RPAP1: variants seen among roughly 807,000 people sequenced by gnomAD.
The protein encoded by RPAP1 is RNA polymerase II associated protein 1.
In RPAP1, 109 loss-of-function variants were observed where a neutral mutation model predicts 142.4. That is an observed-to-expected ratio of 0.77 (90% confidence interval 0.66 to 0.90). The LOEUF is 0.90. Among genes scored for constraint, RPAP1 ranks in the 40% least tolerant of loss-of-function variants. The probability of loss-of-function intolerance (pLI) is 0.00; values close to 1 mark genes in which losing one functional copy is unlikely to be tolerated. For synonymous variants in RPAP1, 704 were observed against 738.9 expected (o/e 0.95, Z 0.77); for missense variants, 1,546 against 1,751.7 (o/e 0.88, Z 2.10).
chr15:41,522,855 C>A lies in RPAP1; in HGVS notation c.2652G>T (p.Leu884=). Residue 884 remains leucine, a synonymous_variant, in exon 19 of 25, where the codon CTG becomes CTT. Transcript: ENST00000304330. ...ATGGGAAGGGTGAGGCTGAGCCAGC[C>A]AGACTGAGACGGGGGCAGCCTCCCG... ...GCSGGCPRLS[L]AGSASPFPFL... is the part of the protein sequence containing the mutation. 6.3e-7 allele frequency: 1 copy of A among 1,582,056 alleles called. No individual in the cohort carries two copies. The highest frequency in any genetic ancestry group is 2.0e-5 in the Admixed American group (1 of 50,590).
Position 41,536,141 on chromosome 15 carries a change from C to A in RPAP1, c.408G>T (p.Ser136=). 6.2e-7 allele frequency: 1 copy of A among 1,613,892 alleles called. No individual in the cohort carries two copies. Residue 136 remains serine (S), a synonymous_variant, in exon 4 of 25, where the codon TCG becomes TCT. Coordinates refer to ENST00000304330, the MANE Select transcript of RPAP1 (RefSeq NM_015540.4). Reference sequence around the variant, plus strand: ...TACCCTTGCCTACCTGTGTGTCCCGCGAGCGAAGGAACACAGCAGGGAAAG... The same window carrying A: ...TACCCTTGCCTACCTGTGTGTCCCGAGAGCGAAGGAACACAGCAGGGAAAG... ...GVAFPAVFLR[S]RDTQGKSATS...
At chr15:41,530,351 G>C (rs558035072) in intron 7 of RPAP1, among the ~76,000 whole-genome samples, 3 of 152,144 alleles carry the variant, frequency 2.0e-5, no homozygotes, top group Non-Finnish European at 4.4e-5. Context: ...AAAGGAGTAG[G>C]AGAGTGGGGA....
At position 41,520,564 on chromosome 15, in the gene RPAP1, G is replaced by A. The variant is rs370844434; in HGVS notation, c.3622C>T (p.Pro1208Ser). The stretch of plus-strand genomic sequence containing the variant: ...TCCAGGAAGTTGGCATAGAGGTCAG[G>A]GAAAGACGTCAGGCCAGGGAGTCGG... ...DCRLPGLTSF[P>S]DLYANFLDHF... The change falls in exon 22 of 25, where the codon CCT (proline) becomes TCT (serine). Residue 1208 changes from proline to serine, a missense_variant. Transcript: ENST00000304330. 2.2e-5 allele frequency: 35 copies of A among 1,614,236 alleles called. No homozygotes were observed. The African/African-American group carries it at 3.7e-4, about 17-fold the overall frequency.
Position 41,531,285 on chromosome 15 carries a change from C to G in RPAP1, c.764-83G>C, listed in dbSNP as rs1455218687. 1.2e-5 allele frequency: 17 copies of G among 1,374,334 alleles called. No individual in the cohort carries two copies. The Admixed American group carries it at 3.3e-4, about 26-fold the overall frequency. The allele number at this position is 1,374,334 out of a possible 1,614,324, so 85.1% of individuals were successfully genotyped here. On this transcript the variant is annotated intron_variant, in intron 6 of 24. Transcript: ENST00000304330. ...AGACCTGGAACCCGCTGAATATCGC[C>G]TGTCTGTGGGTGCCAAGGACAGGAC...
At chr15:41,523,583 C>G (rs529024328) in intron 17 of RPAP1, among the ~76,000 whole-genome samples, 188 bp downstream of exon 17, 3 of 152,318 alleles carry the variant, frequency 2.0e-5, no homozygotes, top group Admixed American at 2.0e-4. Context: ...TGGTCCCCAC[C>G]AACATGGCTC....
Position 41,527,477 on chromosome 15 carries a change from G to T in RPAP1, c.1557C>A (p.Ser519Arg). 1 of 1,614,216 alleles carries T rather than the reference G, an allele frequency of 6.2e-7. No homozygotes were observed. Among genetic ancestry groups the T allele is most frequent in the Non-Finnish European group, 8.5e-7 (1 of 1,180,040 alleles). The change falls in exon 12 of 25, where the codon AGC becomes AGA. Residue 519 changes from serine (S) to arginine (R), a missense_variant. Physicochemically the swap from Ser to Arg is moderately radical, Grantham distance 110. Transcript: ENST00000304330. ...GTGGAGGCCGGCTTTCTTCTTCAGG[G>T]CTTTTCCTTTTTGCTTTTCCTGCTG... ...ECPAGKAKRKSPEEESRPPPD... is the reference protein window; with the variant it reads ...ECPAGKAKRKRPEEESRPPPD...
At chr15:41,519,898 T>G (rs2051705883) in intron 22 of RPAP1, 2 of 172,728 alleles carry the variant, frequency 1.2e-5, no homozygotes, top group African/African-American at 4.8e-5. Flanking sequence ...TTAATAGTAA[T>G]GAATACCCAC....
intron 1 of RPAP1, among the ~76,000 whole-genome samples, chr15:41,539,044 T>C (rs148710477): frequency 9.8e-5 from 15 of 152,310 alleles, no homozygotes; most frequent in African/African-American, 3.6e-4. Flanking sequence ...CTAATGGGTA[T>C]GGAGCGTCTT....
At chr15:41,522,670 G>T in intron 19 of RPAP1, 95 bp downstream of exon 19, 1 of 1,120,640 alleles carries the variant, frequency 8.9e-7, no homozygotes, top group Non-Finnish European at 1.2e-6. Flanking sequence ...GATTACAGGC[G>T]TGAGCCACCG....
Position 41,523,337 on chromosome 15 carries a change from C to T in RPAP1, c.2454G>A (p.Glu818=), listed in dbSNP as rs1224897494. 1.9e-6 allele frequency: 3 copies of T among 1,607,204 alleles called. No individual in the cohort carries two copies. ...AWSQQPSSCP[E]DWLQDMQRLS... is the part of the protein sequence containing the mutation. ...GGCGCTGCATGTCCTGGAGCCAATCCTCCGGGCATGAGCTTGGCTGGTGGA... is the reference window on the plus strand; with the variant it reads ...GGCGCTGCATGTCCTGGAGCCAATCTTCCGGGCATGAGCTTGGCTGGTGGA... The change falls in exon 18 of 25, where the codon GAG becomes GAA. Residue 818 remains glutamate (E), a synonymous_variant. Transcript: ENST00000304330.
chr15:41,522,363 C>T (rs541113918), intron 19 of RPAP1, 113 bp from the exon 20 acceptor site: 25 of 1,033,244 alleles, frequency 2.4e-5, no homozygotes, highest in Non-Finnish European at 3.5e-5. Flanking sequence ...CAGAAGGCCT[C>T]CCTTCCCCAT....
chr15:41,523,044 C>T, intron 18 of RPAP1, 84 bp from the exon 19 acceptor site: 1 of 1,206,054 alleles, frequency 8.3e-7, no homozygotes, highest in Non-Finnish European at 1.1e-6. Flanking sequence ...GTACCTAAGA[C>T]TAACGGGGGG....
chr15:41,534,487 G>A (rs999180959), intron 6 of RPAP1, among the ~76,000 whole-genome samples: 1 of 146,202 alleles, frequency 6.8e-6, no homozygotes, highest in African/African-American at 2.5e-5. Flanking sequence ...ACAGGAGGCT[G>A]AAGTGGGAGG....
rs781093528 is a variant in RPAP1 at position 41,520,954 on chromosome 15, G to A, written c.3232C>T (p.Arg1078Ter). 2.5e-6 allele frequency: 4 copies of A among 1,610,896 alleles called. No individual in the cohort carries two copies. The highest frequency in any genetic ancestry group is 3.4e-6 in the Non-Finnish European group (4 of 1,178,430). Residue 1078 changes from arginine to a stop codon, truncating the protein, a stop_gained, in exon 22 of 25, where the codon CGA becomes TGA. Transcript: ENST00000304330. LOFTEE classifies it high-confidence loss of function. ...GTTGGGACTCGCTGTAGCTCCCCTC[G>A]GTGCAGAGCCTGGGAGGCCAGCAGA... Reference protein sequence around the residue: ...ASLLASQALHRGELQRVPTLL... With the variant: ...ASLLASQALH
chr15:41,539,492 T>C (rs1032389027), intron 1 of RPAP1, among the ~76,000 whole-genome samples: 1 of 151,978 alleles, frequency 6.6e-6, no homozygotes, highest in East Asian at 1.9e-4. Flanking sequence ...GAGACAGGGT[T>C]TCACCATGTT....
At position 41,526,835 on chromosome 15, in the gene RPAP1, T is replaced by C. The variant is rs900371423; in HGVS notation, c.1917+63A>G. On this transcript the variant is annotated intron_variant, in intron 14 of 24. Transcript: ENST00000304330. The stretch of plus-strand genomic sequence containing the variant: ...GGCCACCCAGAGTTCAGGAGCCATG[T>C]TTAGCTCCCAACCCAACCCTGTCCC... 5.4e-6 allele frequency: 8 copies of C among 1,489,400 alleles called. No homozygotes were observed. The African/African-American group carries it at 9.8e-5, about 18-fold the overall frequency. 92.3% of individuals were successfully genotyped at this position (1,489,400 alleles called of 1,614,324 possible). A position where few individuals can be genotyped will look rare whatever the true frequency, so the allele number is the denominator to read the frequency against.
chr15:41,517,772 C>T, intron 24 of RPAP1, 26 bp downstream of exon 24: 2 of 1,614,172 alleles, frequency 1.2e-6, no homozygotes, highest in Non-Finnish European at 1.7e-6. Context: ...TCTAATATCC[C>T]ACCCTCCTAA....
intron 1 of RPAP1, 97 bp from the exon 2 acceptor site, chr15:41,537,298 A>G: frequency 1.6e-6 from 1 of 638,082 alleles, no homozygotes. Flanking sequence ...GTTAACATGA[A>G]CTCATTCCTC....
chr15:41,528,300 T>C lies in RPAP1; in HGVS notation c.1195A>G (p.Thr399Ala), dbSNP rs779366659. The C allele has an allele frequency of 1.9e-6, 3 of 1,605,004 alleles. No individual in the cohort carries two copies. Among genetic ancestry groups the C allele is most frequent in the South Asian group, 2.2e-5 (2 of 89,208 alleles). The change falls in exon 10 of 25, where the codon ACC (threonine) becomes GCC (alanine). Residue 399 changes from threonine (T) to alanine (A), a missense_variant. By Grantham distance (58) the Thr-to-Ala change is moderately conservative (BLOSUM62 0). Transcript: ENST00000304330. ...GYSLQELFHL[T>A]RSQVSQQRAL... The stretch of plus-strand genomic sequence containing the variant: ...CTCTGCTGGGAAACCTGGCTGCGGG[T>C]CAGGTGGAACAGCTCCTGTAGGGAA...
Sources: gnomAD v4.1 joint callset for allele counts (sites outside exome capture counted in the v4.1 genomes callset) on GRCh38, gnomAD v4.1.1 for gene constraint, MANE v1.5 for transcripts, NCBI Gene and HGNC (gene_info 2026-07-23, HGNC 2026-07-21) for gene names.